MLLT3: variants seen among roughly 807,000 people sequenced by gnomAD.
MLLT3 encodes MLLT3 super elongation complex subunit.
Under a neutral mutation model 53.2 loss-of-function variants are expected in MLLT3, and 4 were observed. That is an observed-to-expected ratio of 0.08 (90% CI 0.04 to 0.17). The LOEUF is 0.17. MLLT3 is among the 10% of genes least tolerant of loss of function. The pLI is 1.00. For synonymous variants in MLLT3, 283 were observed against 230.6 expected, an observed-to-expected ratio of 1.23 and a Z score of -2.06; for missense variants, 569 against 684.0, an observed-to-expected ratio of 0.83 and a Z score of 1.87.
intron 5 of MLLT3, among the ~76,000 whole-genome samples, chr9:20,367,754 T>G (rs1296570054): frequency 6.6e-6 from 1 of 152,196 alleles, no homozygotes; most frequent in Non-Finnish European, 1.5e-5. Flanking sequence ...TCTTTTTAAT[T>G]CAAGGTGACC....
At chr9:20,615,886 AAAAAAG>A (rs1198034091) in intron 2 of MLLT3, among the ~76,000 whole-genome samples, 4 of 149,886 alleles carry the variant, frequency 2.7e-5, no homozygotes, top group African/African-American at 7.3e-5. Context: ...AAAAAAAAAA[AAAAAAG>A]AAAAGAAAAG....
chr9:20,496,421 T>C (rs776285428), intron 2 of MLLT3, among the ~76,000 whole-genome samples: 2 of 152,206 alleles, frequency 1.3e-5, no homozygotes, highest in African/African-American at 4.8e-5. Flanking sequence ...AATTCATGCC[T>C]GGACTAACCT....
chr9:20,621,108 G>A lies in MLLT3; in HGVS notation c.13-274C>T, dbSNP rs1820992304. ...AATGTTATCCCCAGTCGGGAAGGGG[G>A]TCGGGGAAAAGAGGGAGAACACACT... On this transcript the variant is annotated intron_variant, in intron 1 of 10. Coordinates refer to ENST00000380338, the MANE Select transcript of MLLT3 (RefSeq NM_004529.4). The surrounding 1 kb of genome is among the most constrained non-coding windows in gnomAD (Gnocchi z 7.0). The A allele has an allele frequency of 1.7e-6, 1 of 583,084 alleles. No individual in the cohort carries two copies. The highest frequency in any genetic ancestry group is 2.8e-5 in the Admixed American group (1 of 35,870). The allele number at this position is 583,084 out of a possible 1,614,324, so 36.1% of individuals were successfully genotyped here.
intron 2 of MLLT3, among the ~76,000 whole-genome samples, chr9:20,572,723 G>C (rs1311461838): frequency 2.0e-5 from 3 of 152,164 alleles, no homozygotes; most frequent in Non-Finnish European, 4.4e-5. Flanking sequence ...GAACCCTGGA[G>C]GCAGAGATTG....
chr9:20,424,260 G>C (rs571289522), intron 4 of MLLT3, among the ~76,000 whole-genome samples: 2 of 152,096 alleles, frequency 1.3e-5, no homozygotes, highest in Non-Finnish European at 2.9e-5. Flanking sequence ...TGAGTCTTTT[G>C]GTACTAAATA....
At chr9:20,542,771 T>G (rs1818676593) in intron 2 of MLLT3, among the ~76,000 whole-genome samples, 1 of 152,190 alleles carries the variant, frequency 6.6e-6, no homozygotes, top group African/African-American at 2.4e-5. Context: ...CCTTTGAAGA[T>G]TTGAAGCTAG....
intron 2 of MLLT3, among the ~76,000 whole-genome samples, chr9:20,546,366 C>T (rs1227271144): frequency 6.6e-6 from 1 of 152,138 alleles, no homozygotes; most frequent in Non-Finnish European, 1.5e-5. Context: ...CAGTGAGGCA[C>T]TGTTTCAGCA....
chr9:20,423,029 T>C (rs1196755160), intron 4 of MLLT3, among the ~76,000 whole-genome samples: 2 of 152,108 alleles, frequency 1.3e-5, no homozygotes, highest in Admixed American at 1.3e-4. Context: ...ATATAATTAG[T>C]GATAAAACTG....
At chr9:20,505,434 G>A (rs568400218) in intron 2 of MLLT3, among the ~76,000 whole-genome samples, 1 of 152,140 alleles carries the variant, frequency 6.6e-6, no homozygotes, top group African/African-American at 2.4e-5. Context: ...CAGAGTGCCT[G>A]AGATGTCAGA....
chr9:20,456,668 C>G (rs1222155133), intron 3 of MLLT3, 36 bp downstream of exon 3: 6 of 1,381,424 alleles, frequency 4.3e-6, no homozygotes, highest in Non-Finnish European at 6.2e-6. Context: ...AATGGTGGAT[C>G]GTCTACTGAA....
At chr9:20,347,394 G>C (rs138021576) in intron 10 of MLLT3, among the ~76,000 whole-genome samples, 60 of 152,262 alleles carry the variant, frequency 3.9e-4, no homozygotes, top group African/African-American at 1.3e-3. Flanking sequence ...GAAAAAGAAA[G>C]GATGCCTTTG....
rs1170454387 is a variant in MLLT3, at chr9:20,371,297, T to C, written c.1126-5553A>G. 2.0e-5 allele frequency among the ~76,000 whole-genome samples: 3 copies of C among 152,332 alleles called. No homozygotes were observed. The South Asian group carries it at 6.2e-4, about 32-fold the overall frequency. On this transcript the variant is annotated intron_variant, in intron 5 of 10. Transcript: ENST00000380338. Reference sequence around the variant, plus strand: ...ATCTAGCTAACAACATTGATGAAGGTGGCTACACTACACAAATTTTCTATG... The same window carrying C: ...ATCTAGCTAACAACATTGATGAAGGCGGCTACACTACACAAATTTTCTATG...
chr9:20,344,460 G>C lies in MLLT3; in HGVS notation c.*1983C>G, dbSNP rs894323986. 3 of 217,902 alleles carry C rather than the reference G, an allele frequency of 1.4e-5. No individual in the cohort carries two copies. The highest frequency in any genetic ancestry group is 5.8e-5 in the Admixed American group (1 of 17,282). The allele number at this position is 217,902 out of a possible 1,614,324, so 13.5% of individuals were successfully genotyped here. ...CCAGCTATAAAGTTAAAAACAAAAC[G>C]CAACTGAAACCACACAATTCATCAA... On this transcript the variant is annotated 3_prime_UTR_variant, in exon 11 of 11. Transcript: ENST00000380338.
chr9:20,406,524 G>C (rs909137359), intron 5 of MLLT3, among the ~76,000 whole-genome samples: 1 of 152,080 alleles, frequency 6.6e-6, no homozygotes, highest in East Asian at 1.9e-4. Context: ...AAAAAAATAG[G>C]AGTGTCACAT....
intron 2 of MLLT3, among the ~76,000 whole-genome samples, chr9:20,474,593 T>C (rs1039652786): frequency 6.6e-6 from 1 of 151,950 alleles, no homozygotes; most frequent in East Asian, 1.9e-4. Context: ...TTGTATTCCA[T>C]CCTAATTTGT....
intron 2 of MLLT3, among the ~76,000 whole-genome samples, chr9:20,566,026 ATT>A (rs1819366289): frequency 8.0e-6 from 1 of 125,262 alleles, no homozygotes; most frequent in African/African-American, 2.9e-5. Context: ...ATATATATTT[ATT>A]TATATTTATT....
At chr9:20,348,011 A>G (rs1820920620) in intron 10 of MLLT3, among the ~76,000 whole-genome samples, 1 of 152,158 alleles carries the variant, frequency 6.6e-6, no homozygotes, top group Admixed American at 6.5e-5. Flanking sequence ...TGTGCTCCCC[A>G]TTCCTGACAT....
intron 2 of MLLT3, among the ~76,000 whole-genome samples, chr9:20,576,956 T>TC (rs1819670617): frequency 6.6e-6 from 1 of 152,176 alleles, no homozygotes; most frequent in Non-Finnish European, 1.5e-5. Context: ...GTCTGGGCAA[T>TC]ATAGTGAGAT....
Position 20,448,364 on chromosome 9 carries a change from T to A in MLLT3, c.277-98A>T. The A allele has an allele frequency of 9.2e-7, 1 of 1,081,214 alleles. No homozygotes were observed. Among genetic ancestry groups the A allele is most frequent in the Non-Finnish European group, 1.3e-6 (1 of 749,730 alleles). The allele number at this position is 1,081,214 out of a possible 1,614,324, so 67.0% of individuals were successfully genotyped here. On this transcript the variant is annotated intron_variant, in intron 3 of 10. Coordinates refer to ENST00000380338, the MANE Select transcript of MLLT3 (RefSeq NM_004529.4). The surrounding 1 kb of genome is among the most constrained non-coding windows in gnomAD (Gnocchi z 4.0). ...CTCCTCATAAGAAATAGAAAAGAAC[T>A]AAGACATCTAACAGCTAAACTGTCA...
Sources: gnomAD v4.1 joint callset for allele counts (sites outside exome capture counted in the v4.1 genomes callset) on GRCh38, gnomAD v4.1.1 for gene constraint, Gnocchi (gnomAD v3.1) non-coding constraint, MANE v1.5 for transcripts, NCBI Gene and HGNC (gene_info 2026-07-23, HGNC 2026-07-21) for gene names.